TIMMDC1: variants seen among roughly 807,000 people sequenced by gnomAD.
TIMMDC1 encodes complex I assembly factor TIMMDC1, mitochondrial.
Under a neutral mutation model 32.6 loss-of-function variants are expected in TIMMDC1, and 25 were observed. That is an observed-to-expected ratio of 0.77 (90% confidence interval 0.56 to 1.07). The LOEUF is 1.07. Among genes scored for constraint, TIMMDC1 ranks in the 50% least tolerant of loss-of-function variants. The pLI, the probability that TIMMDC1 is intolerant of heterozygous loss-of-function variation, is 0.00. For synonymous variants in TIMMDC1, 130 were observed against 127.6 expected, an observed-to-expected ratio of 1.02 and a Z score of -0.13; for missense variants, 329 against 349.2, an observed-to-expected ratio of 0.94 and a Z score of 0.46.
At chr3:119,513,825 C>T (rs2081969399) in intron 5 of TIMMDC1, 106 bp downstream of exon 5, 3 of 694,588 alleles carry the variant, frequency 4.3e-6, no homozygotes, top group Non-Finnish European at 7.0e-6. Flanking sequence ...TCCTTAGAAT[C>T]TATAAAAGAT....
In TIMMDC1 at chr3:119,498,584, T is replaced by G; in HGVS notation, c.-150T>G. On this transcript the variant is annotated 5_prime_UTR_variant, in exon 1 of 7. Coordinates refer to ENST00000494664, the MANE Select transcript of TIMMDC1 (RefSeq NM_016589.4). ...AGGACTCCAAAGCGAGGCCGGGGAC[T>G]GAAGGTGTGGGTGTCGAGCCCTCTG... is the stretch of plus-strand genomic sequence containing the variant. 2.8e-6 allele frequency: 2 copies of G among 707,716 alleles called. No homozygotes were observed. The highest frequency in any genetic ancestry group is 2.6e-5 in the East Asian group (1 of 38,598). The allele number at this position is 707,716 out of a possible 1,614,324, so 43.8% of individuals were successfully genotyped here.
intron 3 of TIMMDC1, 41 bp from the exon 4 acceptor site, chr3:119,503,913 G>A: frequency 6.6e-7 from 1 of 1,521,380 alleles, no homozygotes; most frequent in Non-Finnish European, 9.1e-7. Context: ...AATGGGATAT[G>A]CTTTAAATCT....
At chr3:119,513,886 C>T (rs2081969735) in intron 5 of TIMMDC1, among the ~76,000 whole-genome samples, 167 bp downstream of exon 5, 1 of 152,140 alleles carries the variant, frequency 6.6e-6, no homozygotes, top group African/African-American at 2.4e-5. Context: ...AATTCTACCC[C>T]AATAGTTTAT....
intron 4 of TIMMDC1, among the ~76,000 whole-genome samples, chr3:119,509,634 G>A (rs181578543): frequency 8.6e-4 from 130 of 151,998 alleles, no homozygotes; most frequent in African/African-American, 3.1e-3. Flanking sequence ...TTGTAATGAT[G>A]GAATCATTTA....
chr3:119,499,650 A>G (rs1261217441), intron 1 of TIMMDC1, among the ~76,000 whole-genome samples: 1 of 151,972 alleles, frequency 6.6e-6, no homozygotes, highest in Non-Finnish European at 1.5e-5. Flanking sequence ...TCCTGACCTC[A>G]CGTGATCTGC....
At chr3:119,499,134 C>T (rs1270928949) in intron 1 of TIMMDC1, among the ~76,000 whole-genome samples, 1 of 149,162 alleles carries the variant, frequency 6.7e-6, no homozygotes, top group Non-Finnish European at 1.5e-5. Flanking sequence ...TGCTCTGTCG[C>T]CCAGGCTGGA....
At chr3:119,517,859 T>C (rs984125108) in intron 6 of TIMMDC1, among the ~76,000 whole-genome samples, 7 of 151,922 alleles carry the variant, frequency 4.6e-5, no homozygotes, top group African/African-American at 1.7e-4. Context: ...TCCCAGCTAC[T>C]CAAGGAGGCT....
chr3:119,515,168 C>T (rs1315112622), intron 5 of TIMMDC1, among the ~76,000 whole-genome samples: 2 of 149,082 alleles, frequency 1.3e-5, no homozygotes, highest in Non-Finnish European at 3.0e-5. Flanking sequence ...AAGATCGCAC[C>T]ATTGCACTCC....
chr3:119,521,582 A>G (rs1258697276), intron 6 of TIMMDC1, among the ~76,000 whole-genome samples: 1 of 151,904 alleles, frequency 6.6e-6, no homozygotes, highest in African/African-American at 2.4e-5. Flanking sequence ...AGCCCCAGTT[A>G]CTTGGGAGAC....
Position 119,524,549 on chromosome 3 carries a change from G to A in TIMMDC1, c.*793G>A, listed in dbSNP as rs1296063210. On this transcript the variant is annotated 3_prime_UTR_variant, in exon 7 of 7. Transcript: ENST00000494664. ...AGCAAGGTTTGTGAAGCAGCATAGT[G>A]AGGTAGCTAAAGCCATGGGCTGGCT... is the stretch of plus-strand genomic sequence containing the variant. The A allele has an allele frequency of 2.0e-5, 3 of 152,240 alleles. No homozygotes were observed. Among genetic ancestry groups the A allele is most frequent in the African/African-American group, 7.2e-5 (3 of 41,452 alleles). 9.4% of individuals were successfully genotyped at this position (152,240 alleles called of 1,614,324 possible). A position where few individuals can be genotyped will look rare whatever the true frequency, so the allele number is the denominator to read the frequency against.
At chr3:119,501,901 T>C (rs2081878530) in intron 2 of TIMMDC1, among the ~76,000 whole-genome samples, 1 of 152,158 alleles carries the variant, frequency 6.6e-6, no homozygotes. Context: ...ATGACTGCAT[T>C]CAGACTATGT....
intron 5 of TIMMDC1, among the ~76,000 whole-genome samples, chr3:119,515,540 G>C (rs1421026756): frequency 6.6e-6 from 1 of 152,180 alleles, no homozygotes; most frequent in Non-Finnish European, 1.5e-5. Context: ...ATTTTGCCAT[G>C]TAAGATAATA....
intron 2 of TIMMDC1, among the ~76,000 whole-genome samples, chr3:119,501,347 A>G (rs1393617460): frequency 1.3e-5 from 2 of 152,238 alleles, no homozygotes; most frequent in Non-Finnish European, 2.9e-5. Context: ...TGAAAGTTGC[A>G]AAACTAGTAC....
intron 6 of TIMMDC1, among the ~76,000 whole-genome samples, chr3:119,520,870 C>CA (rs2082021828): frequency 6.6e-6 from 1 of 151,974 alleles, no homozygotes; most frequent in Non-Finnish European, 1.5e-5. Flanking sequence ...AAGAGTACAT[C>CA]AAAAAGATTA....
Position 119,500,809 on chromosome 3 carries a change from A to G in TIMMDC1, c.309A>G (p.Gln103=). Reference sequence around the variant, plus strand: ...CAGCTTTTATTCATGCTAAACAACAATACATTGAGCAGAGCCAGGCAGAAA... The same window carrying G: ...CAGCTTTTATTCATGCTAAACAACAGTACATTGAGCAGAGCCAGGCAGAAA... The part of the protein sequence containing the change: ...GIPAFIHAKQ[Q]YIEQSQAEIY... The change falls in exon 2 of 7, where the codon CAA becomes CAG. Residue 103 remains glutamine, a synonymous_variant. Transcript: ENST00000494664. The G allele has an allele frequency of 6.2e-7, 1 of 1,614,150 alleles. No homozygotes were observed. Among genetic ancestry groups the G allele is most frequent in the Non-Finnish European group, 8.5e-7 (1 of 1,180,006 alleles).
chr3:119,524,775 G>A lies in TIMMDC1; in HGVS notation c.*1019G>A, dbSNP rs1393247036. On this transcript the variant is annotated 3_prime_UTR_variant, in exon 7 of 7. Transcript: ENST00000494664. ...GTCATGAGTAACATGAACAGCAGTTGGCTATGTCTTTCCAGTTCTCTGCTG... is the reference window on the plus strand; with the variant it reads ...GTCATGAGTAACATGAACAGCAGTTAGCTATGTCTTTCCAGTTCTCTGCTG... 6.6e-6 allele frequency: 1 copy of A among 152,186 alleles called. No individual in the cohort carries two copies. The highest frequency in any genetic ancestry group is 2.4e-5 in the African/African-American group (1 of 41,440). 9.4% of individuals were successfully genotyped at this position (152,186 alleles called of 1,614,324 possible). A position where few individuals can be genotyped will look rare whatever the true frequency, so the allele number is the denominator to read the frequency against.
intron 1 of TIMMDC1, 168 bp from the exon 2 acceptor site, chr3:119,500,527 A>C (rs141339063): frequency 2.9e-5 from 17 of 584,602 alleles, no homozygotes; most frequent in Non-Finnish European, 4.6e-5. Context: ...GTTTTGTCTG[A>C]GACTACGTTC....
chr3:119,499,695 C>T (rs1180577485), intron 1 of TIMMDC1, among the ~76,000 whole-genome samples: 1 of 151,910 alleles, frequency 6.6e-6, no homozygotes, highest in Non-Finnish European at 1.5e-5. Flanking sequence ...GGATTACAGG[C>T]CTGAGCCACC....
At position 119,524,598 on chromosome 3, in the gene TIMMDC1, T is replaced by C. The variant is rs2082053309; in HGVS notation, c.*842T>C. 2 of 152,240 alleles carry C rather than the reference T, an allele frequency of 1.3e-5. No homozygotes were observed. The highest frequency in any genetic ancestry group is 2.4e-5 in the African/African-American group (1 of 41,454). 9.4% of individuals were successfully genotyped at this position (152,240 alleles called of 1,614,324 possible). On this transcript the variant is annotated 3_prime_UTR_variant, in exon 7 of 7. Coordinates refer to ENST00000494664, the MANE Select transcript of TIMMDC1 (RefSeq NM_016589.4). The stretch of plus-strand genomic sequence containing the variant: ...CTCTAAAGGCTTTAAATCCCAGCCA[T>C]GTGGCTTAGCTGCCATGAGATGTGC...
Sources: allele counts gnomAD v4.1 joint callset (sites outside exome capture counted in the v4.1 genomes callset), GRCh38; gene constraint gnomAD v4.1.1; transcripts MANE v1.5; gene names NCBI Gene and HGNC (gene_info 2026-07-23, HGNC 2026-07-21).